Variants in PLCE1 observed in about 807,000 individuals in gnomAD.
The protein encoded by PLCE1 is phospholipase C epsilon 1.
In PLCE1, 119 loss-of-function variants were observed where a neutral mutation model predicts 242.8. The ratio of observed to expected loss-of-function variants is 0.49; its 90% confidence interval spans 0.42 to 0.57. The LOEUF is 0.57. Among genes scored for constraint, PLCE1 ranks in the 20% least tolerant of loss-of-function variants. The pLI, the probability that PLCE1 is intolerant of heterozygous loss-of-function variation, is 0.00. For missense variants in PLCE1, 2,441 were observed against 2,788.8 expected (o/e 0.88, Z 2.81); for synonymous variants, 945 against 1,017.4 (o/e 0.93, Z 1.35).
intron 4 of PLCE1, among the ~76,000 whole-genome samples, chr10:94,184,741 AGTT>A (rs2048417086): frequency 1.3e-5 from 2 of 152,218 alleles, no homozygotes; most frequent in East Asian, 1.9e-4. Context: ...TAGCCTCTGC[AGTT>A]GTTGTTGCCT....
chr10:94,293,354 G>T (rs752791032), intron 22 of PLCE1, among the ~76,000 whole-genome samples, 154 bp from the exon 23 acceptor site: 1 of 152,146 alleles, frequency 6.6e-6, no homozygotes, highest in East Asian at 1.9e-4. Flanking sequence ...TGCCTACAAT[G>T]CTATTATTAA....
chr10:94,054,640 A>G (rs1355607710), intron 2 of PLCE1, among the ~76,000 whole-genome samples: 1 of 152,196 alleles, frequency 6.6e-6, no homozygotes, highest in Non-Finnish European at 1.5e-5. Flanking sequence ...GCCATTAATA[A>G]CATTCCCTTA....
chr10:94,089,039 C>A, intron 2 of PLCE1: 1 of 1,589,566 alleles, frequency 6.3e-7, no homozygotes, highest in Non-Finnish European at 8.6e-7. Flanking sequence ...CTGCACGTTG[C>A]AGGATTTTTC....
chr10:94,239,145 A>G (rs2050416953), intron 7 of PLCE1, among the ~76,000 whole-genome samples: 1 of 152,298 alleles, frequency 6.6e-6, no homozygotes, highest in Admixed American at 6.5e-5. Flanking sequence ...ATCGTGATTA[A>G]TGTGTGTATC....
intron 23 of PLCE1, among the ~76,000 whole-genome samples, chr10:94,295,465 T>C (rs111481405): frequency 2.0e-5 from 3 of 152,322 alleles, no homozygotes; most frequent in Admixed American, 6.5e-5. Flanking sequence ...CTTCTAGTTC[T>C]CTTGCTGTTT....
intron 14 of PLCE1, among the ~76,000 whole-genome samples, chr10:94,264,136 A>T (rs2051415893): frequency 6.6e-6 from 1 of 152,176 alleles, no homozygotes; most frequent in South Asian, 2.1e-4. Context: ...GTAGGGGAAA[A>T]ACTGAGTCAA....
chr10:94,243,174 G>A (rs778897676), intron 7 of PLCE1, among the ~76,000 whole-genome samples: 1 of 152,168 alleles, frequency 6.6e-6, no homozygotes, highest in African/African-American at 2.4e-5. Flanking sequence ...TTGGTAGTAG[G>A]TGCCCTCAAT....
chr10:94,195,612 A>G (rs1228606370), intron 4 of PLCE1, among the ~76,000 whole-genome samples: 1 of 152,178 alleles, frequency 6.6e-6, no homozygotes, highest in Non-Finnish European at 1.5e-5. Context: ...AGATCATGAC[A>G]TTCATGTAAC....
At chr10:94,082,356 T>G (rs2044676786) in intron 2 of PLCE1, 1 of 152,232 alleles carries the variant, frequency 6.6e-6, no homozygotes, top group South Asian at 2.1e-4. Context: ...AAAGAAAACC[T>G]ATCCAGCTCT....
chr10:94,031,264 T>C lies in PLCE1; in HGVS notation c.218T>C (p.Leu73Pro). The change falls in exon 2 of 33, where the codon CTC (leucine) becomes CCC (proline). Residue 73 changes from leucine to proline, a missense_variant. By Grantham distance (98) the Leu-to-Pro change is moderately conservative. Transcript: ENST00000371380. ...TCTGGAAGCAACTTGCCAAAGATTC[T>C]CTCAATAGCGAGGGAGAAAATAGTG... ...EPSGSNLPKI[L>P]SIAREKIVSD... The C allele has an allele frequency of 3.7e-6, 6 of 1,613,850 alleles. No homozygotes were observed. The highest frequency in any genetic ancestry group is 5.1e-6 in the Non-Finnish European group (6 of 1,179,888).
chr10:94,285,207 A>G (rs1460152644), intron 22 of PLCE1, among the ~76,000 whole-genome samples: 4 of 152,224 alleles, frequency 2.6e-5, no homozygotes, highest in Non-Finnish European at 4.4e-5. Context: ...TAATAATTAT[A>G]AAAGTTATAA....
At chr10:94,261,017 G>A (rs561860195) in intron 13 of PLCE1, among the ~76,000 whole-genome samples, 11 of 152,132 alleles carry the variant, frequency 7.2e-5, no homozygotes, top group Non-Finnish European at 1.3e-4. Context: ...CATAGTTAAC[G>A]TTAGGATTCA....
intron 1 of PLCE1, among the ~76,000 whole-genome samples, chr10:94,014,631 C>A (rs1439272997): frequency 6.6e-6 from 1 of 152,172 alleles, no homozygotes; most frequent in Non-Finnish European, 1.5e-5. Context: ...ACTCCATACC[C>A]ATTAAACAAT....
intron 2 of PLCE1, among the ~76,000 whole-genome samples, chr10:94,034,186 C>T (rs933028968): frequency 6.6e-6 from 1 of 152,116 alleles, no homozygotes; most frequent in Non-Finnish European, 1.5e-5. Context: ...GGAAACCGCC[C>T]CCATGATTCA....
At chr10:94,315,373 T>C in intron 28 of PLCE1, 1 of 455,962 alleles carries the variant, frequency 2.2e-6, no homozygotes, top group Non-Finnish European at 4.4e-6. Flanking sequence ...CTTTCTCTCA[T>C]CACCAAGCTA....
In PLCE1 at chr10:94,284,838, C is replaced by T; in HGVS notation, c.4918-10C>T. 7.0e-7 allele frequency: 1 copy of T among 1,430,080 alleles called. No homozygotes were observed. The highest frequency in any genetic ancestry group is 9.9e-7 in the Non-Finnish European group (1 of 1,012,090). The allele number at this position is 1,430,080 out of a possible 1,614,324, so 88.6% of individuals were successfully genotyped here. On this transcript the variant is annotated splice_polypyrimidine_tract_variant and intron_variant, in intron 21 of 32. Transcript: ENST00000371380. Reference sequence around the variant, plus strand: ...TTCCATGTAAAATGGTATCATTTTTCCCTTACCAGGTTTATGATATGGAAC... The same window carrying T: ...TTCCATGTAAAATGGTATCATTTTTTCCTTACCAGGTTTATGATATGGAAC...
chr10:94,047,718 A>G (rs965050509), intron 2 of PLCE1, among the ~76,000 whole-genome samples: 4 of 152,192 alleles, frequency 2.6e-5, no homozygotes, highest in African/African-American at 9.6e-5. Flanking sequence ...GATGAACTTA[A>G]CAGCCAATAG....
chr10:94,259,207 C>T, intron 13 of PLCE1, 57 bp downstream of exon 13: 1 of 1,545,744 alleles, frequency 6.5e-7, no homozygotes, highest in Admixed American at 1.7e-5. Context: ...AACTTAAGGT[C>T]AGAGGTCCAG....
chr10:94,324,332 C>T lies in PLCE1; in HGVS notation c.6502-17C>T. On this transcript the variant is annotated splice_polypyrimidine_tract_variant and intron_variant, in intron 30 of 32. Coordinates refer to ENST00000371380, the MANE Select transcript of PLCE1 (RefSeq NM_016341.4). ...GATTCTGTGTCTTTATTCAGTTGAT[C>T]ATAACTTACCTTTCAGACCTTATGC... 6.3e-7 allele frequency: 1 copy of T among 1,591,344 alleles called. No homozygotes were observed. The highest frequency in any genetic ancestry group is 8.6e-7 in the Non-Finnish European group (1 of 1,159,376).
Sources: allele counts gnomAD v4.1 joint callset (sites outside exome capture counted in the v4.1 genomes callset), GRCh38; gene constraint gnomAD v4.1.1; transcripts MANE v1.5; gene names NCBI Gene and HGNC (gene_info 2026-07-23, HGNC 2026-07-21).